DDX60L: variants seen among roughly 807,000 people sequenced by gnomAD.
DDX60L encodes the protein DExD/H-box 60 like, also known as probable ATP-dependent RNA helicase DDX60-like.
Under a neutral mutation model 211.6 loss-of-function variants are expected in DDX60L, and 191 were observed. The observed-to-expected ratio is 0.90, with a 90% CI of 0.80 to 1.02. DDX60L has a LOEUF of 1.02. Ranked by LOEUF, DDX60L falls within the 50% of genes least tolerant of loss-of-function variation. The probability of loss-of-function intolerance (pLI) is 0.00; values close to 1 mark genes in which losing one functional copy is unlikely to be tolerated. For missense variants in DDX60L, 2,007 were observed against 1,984.1 expected, an observed-to-expected ratio of 1.01 and a Z score of -0.22; for synonymous variants, 706 against 694.1, an observed-to-expected ratio of 1.02 and a Z score of -0.27.
chr4:168,358,527 T>TTTTTTTTTTTTTTTTTTTTTC, intron 37 of DDX60L, among the ~76,000 whole-genome samples: 1 of 13,732 alleles, frequency 7.3e-5, no homozygotes, highest in Non-Finnish European at 3.2e-4. Context: ...TCTTTTTCTT[T>TTTTTTTTTTTTTTTTTTTTTC]TTTTTTTTTT....
chr4:168,475,697 A>G (rs1036504006), intron 1 of DDX60L, among the ~76,000 whole-genome samples: 4 of 152,042 alleles, frequency 2.6e-5, no homozygotes, highest in African/African-American at 9.7e-5. Context: ...AGATAATGTT[A>G]TATACTAAAT....
At chr4:168,431,171 G>A (rs1752286107) in intron 12 of DDX60L, among the ~76,000 whole-genome samples, 1 of 152,136 alleles carries the variant, frequency 6.6e-6, no homozygotes, top group South Asian at 2.1e-4. Context: ...ATATTTAGGA[G>A]CTTACAGCTG....
chr4:168,367,942 C>G (rs1740276016), intron 36 of DDX60L, among the ~76,000 whole-genome samples: 2 of 152,128 alleles, frequency 1.3e-5, no homozygotes, highest in Admixed American at 1.3e-4. Context: ...CAAGAGGTGA[C>G]TTGGGTACTG....
intron 29 of DDX60L, among the ~76,000 whole-genome samples, chr4:168,388,104 T>C (rs1284556385): frequency 2.0e-5 from 3 of 152,252 alleles, no homozygotes; most frequent in Non-Finnish European, 4.4e-5. Flanking sequence ...ATCCCCATGC[T>C]AATTGCTATT....
At chr4:168,361,407 T>C in intron 36 of DDX60L, 196 bp from the exon 37 acceptor site, 1 of 463,642 alleles carries the variant, frequency 2.2e-6, no homozygotes, top group South Asian at 3.6e-5. Flanking sequence ...ATTAAAGAGA[T>C]AATTTGACCA....
intron 4 of DDX60L, among the ~76,000 whole-genome samples, chr4:168,467,962 T>A (rs866493700): frequency 1.3e-5 from 2 of 151,796 alleles, no homozygotes; most frequent in African/African-American, 2.4e-5. Flanking sequence ...AGGTCCAGAG[T>A]TCAAGACCAG....
intron 19 of DDX60L, among the ~76,000 whole-genome samples, chr4:168,417,342 A>G (rs575550337): frequency 3.3e-5 from 5 of 152,202 alleles, no homozygotes; most frequent in African/African-American, 1.2e-4. Flanking sequence ...TCTGCTCCCA[A>G]CATACTGGCC....
rs758462223 is a variant in DDX60L at position 168,419,274 on chromosome 4, T to C, written c.2610+28A>G. On this transcript the variant is annotated intron_variant, in intron 19 of 37. Coordinates refer to ENST00000682922, the MANE Select transcript of DDX60L (RefSeq NM_001012967.3). ...TATAGGGTGTATGCAGACTAGAACA[T>C]CAACCAGAGAACTAACACCAAACCT... 6.6e-6 allele frequency: 10 copies of C among 1,507,846 alleles called. No homozygotes were observed. In the East Asian group the frequency reaches 7.1e-5, roughly 11 times the overall value. 93.4% of individuals were successfully genotyped at this position (1,507,846 alleles called of 1,614,324 possible).
rs571162806 is a variant in DDX60L at position 168,369,207 on chromosome 4, C to T, written c.4928+2405G>A. 1.2e-3 allele frequency among the ~76,000 whole-genome samples: 181 copies of T among 152,204 alleles called. 1 individual carries two copies. The highest frequency in any genetic ancestry group is 2.0e-3 in the Non-Finnish European group (133 of 68,010). On this transcript the variant is annotated intron_variant, in intron 36 of 37. Coordinates refer to ENST00000682922, the MANE Select transcript of DDX60L (RefSeq NM_001012967.3). ...CATGTGTCATGGGAGGAACCCGGTG[C>T]GAGGTGACTGAATTATGGGGGCAGG... is the stretch of plus-strand genomic sequence containing the variant.
intron 6 of DDX60L, among the ~76,000 whole-genome samples, chr4:168,456,648 C>T (rs1561112947): frequency 6.6e-6 from 1 of 152,052 alleles, no homozygotes; most frequent in Non-Finnish European, 1.5e-5. Flanking sequence ...TCTTTGACAA[C>T]GTCCATCAGG....
At chr4:168,392,661 T>C (rs1457912348) in intron 28 of DDX60L, among the ~76,000 whole-genome samples, 2 of 152,020 alleles carry the variant, frequency 1.3e-5, no homozygotes, top group Non-Finnish European at 2.9e-5. Flanking sequence ...CTGACCAACA[T>C]GGAGAAACCC....
Position 168,358,077 on chromosome 4 carries a change from A to G in DDX60L, c.*70T>C. 1 of 1,386,134 alleles carries G rather than the reference A, an allele frequency of 7.2e-7. No individual in the cohort carries two copies. The highest frequency in any genetic ancestry group is 1.0e-6 in the Non-Finnish European group (1 of 1,000,536). 85.9% of individuals were successfully genotyped at this position (1,386,134 alleles called of 1,614,324 possible). On this transcript the variant is annotated 3_prime_UTR_variant, in exon 38 of 38. Transcript: ENST00000682922. ...AAACATTTTTTCCATTTCATTGTGTAAGCTTAATTATATCTCTCCTTGCAA... is the reference window on the plus strand; with the variant it reads ...AAACATTTTTTCCATTTCATTGTGTGAGCTTAATTATATCTCTCCTTGCAA...
intron 32 of DDX60L, 92 bp downstream of exon 32, chr4:168,379,270 GA>G (rs1742502659): frequency 8.8e-7 from 1 of 1,135,238 alleles, no homozygotes. Context: ...TAATAAATGA[GA>G]AGGAGGAAGA....
At chr4:168,453,065 A>T (rs998725877) in intron 8 of DDX60L, 59 bp downstream of exon 8, 2 of 1,485,380 alleles carry the variant, frequency 1.3e-6, no homozygotes, top group Middle Eastern at 1.8e-4. Flanking sequence ...TCTAGTTTTA[A>T]AGGTGATCAT....
In DDX60L at chr4:168,384,747, T is replaced by C. The variant is rs1743559189; in HGVS notation, c.3981A>G (p.Pro1327=). The change falls in exon 30 of 38, where the codon CCA becomes CCG. Residue 1327 remains proline (P), a synonymous_variant. Transcript: ENST00000682922. ...CAAGGAGTCTTTTTATTTTGGGCAA[T>C]GGGATATCAAAGAAATACACATTTC... ...LLGNVYFFDI[P]LPKIKRLLAS... 1.9e-6 allele frequency: 3 copies of C among 1,613,642 alleles called. No homozygotes were observed. The highest frequency in any genetic ancestry group is 2.5e-6 in the Non-Finnish European group (3 of 1,179,896).
intron 29 of DDX60L, chr4:168,390,379 G>T: frequency 8.4e-7 from 1 of 1,194,826 alleles, no homozygotes; most frequent in African/African-American, 1.6e-5. Flanking sequence ...CATGGTAAAA[G>T]GTGATATGGT....
intron 36 of DDX60L, among the ~76,000 whole-genome samples, chr4:168,363,978 G>A (rs1471857723): frequency 2.0e-5 from 3 of 152,194 alleles, no homozygotes; most frequent in Admixed American, 6.5e-5. Context: ...AAATTAGCCA[G>A]GTGTGGTGGT....
At chr4:168,412,167 G>A (rs1042708622) in intron 22 of DDX60L, among the ~76,000 whole-genome samples, 2 of 151,948 alleles carry the variant, frequency 1.3e-5, no homozygotes, top group African/African-American at 2.4e-5. Context: ...CCTAGCTGTG[G>A]TGGCTATGGG....
intron 25 of DDX60L, among the ~76,000 whole-genome samples, chr4:168,403,286 T>C (rs1747152181): frequency 6.6e-6 from 1 of 152,112 alleles, no homozygotes; most frequent in Non-Finnish European, 1.5e-5. Context: ...AGTGCTACCA[T>C]TTAACGTATC....
Sources: allele counts gnomAD v4.1 joint callset (sites outside exome capture counted in the v4.1 genomes callset), GRCh38; gene constraint gnomAD v4.1.1; transcripts MANE v1.5; gene names NCBI Gene and HGNC (gene_info 2026-07-23, HGNC 2026-07-21).